Variants in YJEFN3 observed in about 807,000 individuals in gnomAD.
YJEFN3 encodes YjeF N-terminal domain containing 3.
YJEFN3 carries 29 observed loss-of-function variants against 31.5 expected under a neutral mutation model. The ratio of observed to expected loss-of-function variants is 0.92; its 90% confidence interval spans 0.69 to 1.26. The LOEUF is 1.26. Among genes scored for constraint, YJEFN3 ranks in the 50% most tolerant of loss-of-function variants. The probability of loss-of-function intolerance (pLI) is 0.00; values close to 1 mark genes in which losing one functional copy is unlikely to be tolerated. For synonymous variants in YJEFN3, 227 were observed against 196.1 expected (o/e 1.16, Z -1.32); for missense variants, 442 against 425.4 (o/e 1.04, Z -0.34).
At position 19,535,160 on chromosome 19, in the gene YJEFN3, C is replaced by T; in HGVS notation, c.429+16C>T. 4.4e-6 allele frequency: 7 copies of T among 1,582,050 alleles called. No homozygotes were observed. The highest frequency in any genetic ancestry group is 1.1e-5 in the South Asian group (1 of 87,048). On this transcript the variant is annotated intron_variant, in intron 4 of 6. Coordinates refer to ENST00000514277, the MANE Select transcript of YJEFN3 (RefSeq NM_198537.4). Reference sequence around the variant, plus strand: ...GCGGGTGTTTGTAAGTAGCAAGGACCCCTTCGACCTCCCAAAGTCCCTGCC... The same window carrying T: ...GCGGGTGTTTGTAAGTAGCAAGGACTCCTTCGACCTCCCAAAGTCCCTGCC...
chr19:19,536,419 A>G (rs934012216), intron 6 of YJEFN3, among the ~76,000 whole-genome samples: 3 of 152,120 alleles, frequency 2.0e-5, no homozygotes, highest in African/African-American at 7.2e-5. Context: ...CAGGGGTCAC[A>G]CCTGTAATCC....
rs1172004394 is a variant in YJEFN3 at position 19,537,396 on chromosome 19, C to T, written c.772C>T (p.Arg258Cys). Residue 258 changes from arginine (R) to cysteine (C), a missense_variant, in exon 7 of 7, where the codon CGC becomes TGC. Arg to Cys is a radical substitution (Grantham distance 180). Transcript: ENST00000514277. ...DVLVSLAAPK[R>C]CAGRFSGRHH... ...GCTGGTGTCTCTCGCGGCGCCCAAGCGCTGCGCTGGCCGCTTCTCCGGGCG... is the reference window on the plus strand; with the variant it reads ...GCTGGTGTCTCTCGCGGCGCCCAAGTGCTGCGCTGGCCGCTTCTCCGGGCG... 1.9e-6 allele frequency: 3 copies of T among 1,591,802 alleles called. No individual in the cohort carries two copies. The South Asian group carries it at 3.3e-5, about 18-fold the overall frequency.
At chr19:19,532,061 T>C (rs182784916) in intron 2 of YJEFN3, among the ~76,000 whole-genome samples, 1 of 152,266 alleles carries the variant, frequency 6.6e-6, no homozygotes, top group Non-Finnish European at 1.5e-5. Context: ...AATCTAATTA[T>C]GTCACTGCCC....
chr19:19,529,585 C>T, intron 2 of YJEFN3, 72 bp downstream of exon 2: 1 of 1,557,582 alleles, frequency 6.4e-7, no homozygotes, highest in South Asian at 1.2e-5. Flanking sequence ...GCCTTTGTGA[C>T]ATGGGACCCC....
Position 19,534,972 on chromosome 19 carries a change from C to A in YJEFN3, c.319-62C>A. 2 of 1,425,692 alleles carry A rather than the reference C, an allele frequency of 1.4e-6. No homozygotes were observed. Among genetic ancestry groups the A allele is most frequent in the Non-Finnish European group, 1.9e-6 (2 of 1,063,788 alleles). 88.3% of individuals were successfully genotyped at this position (1,425,692 alleles called of 1,614,324 possible). On this transcript the variant is annotated intron_variant, in intron 3 of 6. Coordinates refer to ENST00000514277, the MANE Select transcript of YJEFN3 (RefSeq NM_198537.4). This position sits in a 1 kb window ranked among gnomAD's most constrained non-coding sequence, Gnocchi z 4.6. ...CTTCCCCTACTCCGGGCCTCAGTTTCCTCTCCAGGCAAGGAGGAATCTGGA... is the reference window on the plus strand; with the variant it reads ...CTTCCCCTACTCCGGGCCTCAGTTTACTCTCCAGGCAAGGAGGAATCTGGA...
chr19:19,532,263 T>C (rs1208098700), intron 2 of YJEFN3, among the ~76,000 whole-genome samples: 1 of 152,232 alleles, frequency 6.6e-6, no homozygotes, highest in Non-Finnish European at 1.5e-5. Flanking sequence ...CCCATCGAAG[T>C]CCTTCATGCT....
rs1046768529 is a variant in YJEFN3 at position 19,534,001 on chromosome 19, G to C, written c.319-1033G>C. The C allele has an allele frequency of 6.0e-5, 59 of 985,630 alleles. No homozygotes were observed. The African/African-American group carries it at 8.9e-4, about 15-fold the overall frequency. The allele number at this position is 985,630 out of a possible 1,614,324, so 61.1% of individuals were successfully genotyped here. On this transcript the variant is annotated intron_variant, in intron 3 of 6. Coordinates refer to ENST00000514277, the MANE Select transcript of YJEFN3 (RefSeq NM_198537.4). The surrounding 1 kb of genome is among the most constrained non-coding windows in gnomAD (Gnocchi z 4.6). ...TTGAAAGGGGAGTAATCTGCTGTCT[G>C]TGTGGTTGGAGCTTAAAGTACAGCT...
intron 2 of YJEFN3, among the ~76,000 whole-genome samples, chr19:19,531,858 C>T (rs2061160137): frequency 1.3e-5 from 2 of 150,640 alleles, no homozygotes; most frequent in Non-Finnish European, 2.9e-5. Context: ...CAAGCCTTAG[C>T]CTCCTGAGTA....
chr19:19,529,323 A>G (rs2061130309), intron 1 of YJEFN3, 41 bp from the exon 2 acceptor site: 1 of 1,567,144 alleles, frequency 6.4e-7, no homozygotes, highest in Admixed American at 1.8e-5. Context: ...TCCCCCACCG[A>G]ACCCCAACCG....
intron 1 of YJEFN3, 82 bp from the exon 2 acceptor site, chr19:19,529,282 T>G: frequency 6.6e-7 from 1 of 1,506,744 alleles, no homozygotes; most frequent in Non-Finnish European, 8.8e-7. Flanking sequence ...AGCCCGCCCC[T>G]CATGAATGAT....
intron 6 of YJEFN3, chr19:19,535,971 C>T (rs1051118548): frequency 3.5e-6 from 2 of 567,138 alleles, no homozygotes; most frequent in South Asian, 2.2e-5. Context: ...CGGCAAAGGC[C>T]GCGCCCGCCC....
intron 2 of YJEFN3, among the ~76,000 whole-genome samples, chr19:19,530,582 G>A (rs1445127275): frequency 4.6e-5 from 7 of 152,292 alleles, no homozygotes; most frequent in Non-Finnish European, 5.9e-5. Flanking sequence ...ACCCTCCTGC[G>A]GGGGCAGCAG....
In YJEFN3 at chr19:19,535,593, C is replaced by A; in HGVS notation, c.608C>A (p.Pro203Gln). ...VDAVLGPGVE[P>Q]GEVGGPCTRA... ...GCCGTACTGGGCCCCGGCGTGGAGC[C>A]GGGCGAGGTCGGGGGCCCCTGCACC... Residue 203 changes from proline to glutamine, a missense_variant, in exon 6 of 7, where the codon CCG becomes CAG. By Grantham distance (76) the Pro-to-Gln change is moderately conservative. Coordinates refer to ENST00000514277, the MANE Select transcript of YJEFN3 (RefSeq NM_198537.4). 3.2e-6 allele frequency: 5 copies of A among 1,579,790 alleles called. No homozygotes were observed. Among genetic ancestry groups the A allele is most frequent in the Non-Finnish European group, 4.3e-6 (5 of 1,162,662 alleles).
chr19:19,533,479 C>A, intron 3 of YJEFN3: 1 of 922,904 alleles, frequency 1.1e-6, no homozygotes, highest in Non-Finnish European at 1.3e-6. Context: ...TCCTCTTACC[C>A]TCCTCCTCCT....
chr19:19,529,907 C>T (rs1270620481), intron 2 of YJEFN3, among the ~76,000 whole-genome samples: 3 of 152,184 alleles, frequency 2.0e-5, no homozygotes, highest in African/African-American at 7.2e-5. Flanking sequence ...GTTCCCAGAG[C>T]CCTCGGGAGC....
At position 19,534,255 on chromosome 19, in the gene YJEFN3, AG is replaced by A. The variant is rs1943536841; in HGVS notation, c.319-778del. The A allele has an allele frequency of 1.3e-6, 1 of 793,748 alleles. No individual in the cohort carries two copies. Among genetic ancestry groups the A allele is most frequent in the African/African-American group, 3.0e-5 (1 of 33,166 alleles). 49.2% of individuals were successfully genotyped at this position (793,748 alleles called of 1,614,324 possible). Reference sequence around the variant, plus strand: ...CAGAGACAGCCAGAGACAAATGGAGAGAGAGACAAATGGAGAAAGAGAGCCA... The same window carrying A: ...CAGAGACAGCCAGAGACAAATGGAGAAGAGACAAATGGAGAAAGAGAGCCA... On this transcript the variant is annotated intron_variant, in intron 3 of 6. Coordinates refer to ENST00000514277, the MANE Select transcript of YJEFN3 (RefSeq NM_198537.4). This position sits in a 1 kb window ranked among gnomAD's most constrained non-coding sequence, Gnocchi z 4.6.
chr19:19,535,402 C>T lies in YJEFN3; in HGVS notation c.495C>T (p.Thr165=), dbSNP rs760480998. The change falls in exon 5 of 7, where the codon ACC becomes ACT. Residue 165 remains threonine (T), a synonymous_variant. Transcript: ENST00000514277. ...ACCTGCTGCATCGGGACCTGACCAC[C>T]CAGTGCGAGAAGATGGACATCCCCT... is the stretch of plus-strand genomic sequence containing the variant. ...SLDLLHRDLT[T]QCEKMDIPFL... 12 of 1,614,024 alleles carry T rather than the reference C, an allele frequency of 7.4e-6. No homozygotes were observed. The East Asian group carries it at 2.7e-4, about 36-fold the overall frequency.
chr19:19,530,251 C>T lies in YJEFN3; in HGVS notation c.209+738C>T, dbSNP rs537307354. Reference sequence around the variant, plus strand: ...ATCCTTGGGGCCTTGAAGCTTCTCTCATCTAGGGGCCGAGATTCGGGATAG... The same window carrying T: ...ATCCTTGGGGCCTTGAAGCTTCTCTTATCTAGGGGCCGAGATTCGGGATAG... On this transcript the variant is annotated intron_variant, in intron 2 of 6. Transcript: ENST00000514277. 1.5e-4 allele frequency among the ~76,000 whole-genome samples: 23 copies of T among 152,198 alleles called. No individual in the cohort carries two copies. In the South Asian group the frequency reaches 4.6e-3, roughly 30 times the overall value.
Position 19,533,762 on chromosome 19 carries a change from G to A in YJEFN3, c.318+1022G>A, listed in dbSNP as rs371228229. The stretch of plus-strand genomic sequence containing the variant: ...TAGATCCCGGGTGAGGCGCCCAAAG[G>A]AGAAGGAAAATCAAAACCCCAGAAA... On this transcript the variant is annotated intron_variant, in intron 3 of 6. Coordinates refer to ENST00000514277, the MANE Select transcript of YJEFN3 (RefSeq NM_198537.4). 7.2e-5 allele frequency: 71 copies of A among 985,426 alleles called. No homozygotes were observed. In the East Asian group the frequency reaches 7.4e-3, roughly 102 times the overall value. The allele number at this position is 985,426 out of a possible 1,614,324, so 61.0% of individuals were successfully genotyped here.
Sources: allele counts gnomAD v4.1 joint callset (sites outside exome capture counted in the v4.1 genomes callset), GRCh38; gene constraint gnomAD v4.1.1; non-coding constraint Gnocchi (gnomAD v3.1); transcripts MANE v1.5; gene names NCBI Gene and HGNC (gene_info 2026-07-23, HGNC 2026-07-21).